The following ATP8A2 variants were observed in gnomAD, a reference collection of about 807,000 sequenced individuals.
The protein encoded by ATP8A2 is ATPase phospholipid transporting 8A2, also known as phospholipid-transporting ATPase IB.
In ATP8A2, 100 loss-of-function variants were observed where a neutral mutation model predicts 165.6. That is an observed-to-expected ratio of 0.60 (90% CI 0.51 to 0.71). The LOEUF (loss-of-function observed/expected upper bound fraction) is 0.71. Among genes scored for constraint, ATP8A2 ranks in the 30% least tolerant of loss-of-function variants. ATP8A2 has a pLI of 0.00. For synonymous variants in ATP8A2, 543 were observed against 548.8 expected, an observed-to-expected ratio of 0.99 and a Z score of 0.15; for missense variants, 1,227 against 1,479.5, an observed-to-expected ratio of 0.83 and a Z score of 2.80.
At chr13:25,610,632 T>C (rs572272872) in intron 24 of ATP8A2, among the ~76,000 whole-genome samples, 8 of 152,270 alleles carry the variant, frequency 5.3e-5, no homozygotes, top group African/African-American at 1.4e-4. Context: ...TTTAGGACTT[T>C]TTTTTCTAGT....
intron 29 of ATP8A2, among the ~76,000 whole-genome samples, chr13:25,838,298 A>C (rs1239417351): frequency 6.6e-6 from 1 of 151,986 alleles, no homozygotes; most frequent in Non-Finnish European, 1.5e-5. Context: ...TTTTCTGGGG[A>C]GGCTCACTAG....
chr13:25,714,077 G>T (rs1371867477), intron 25 of ATP8A2, among the ~76,000 whole-genome samples: 1 of 152,004 alleles, frequency 6.6e-6, no homozygotes, highest in Non-Finnish European at 1.5e-5. Flanking sequence ...GATTAACCCA[G>T]AGTTTGGTGT....
intron 24 of ATP8A2, among the ~76,000 whole-genome samples, chr13:25,609,785 ATT>A (rs532359123): frequency 9.0e-5 from 12 of 133,900 alleles, no homozygotes; most frequent in Non-Finnish European, 9.6e-5. Context: ...ACCAACACCT[ATT>A]TTTTTTTTTT....
chr13:25,960,486 C>T (rs1955634464), intron 33 of ATP8A2, among the ~76,000 whole-genome samples: 1 of 152,134 alleles, frequency 6.6e-6, no homozygotes, highest in Non-Finnish European at 1.5e-5. Context: ...TCTAGCGAAA[C>T]TTCTATTCCA....
chr13:25,848,371 T>C (rs1951923495), intron 30 of ATP8A2, among the ~76,000 whole-genome samples: 2 of 152,212 alleles, frequency 1.3e-5, no homozygotes, highest in African/African-American at 4.8e-5. Flanking sequence ...GATCCATCAG[T>C]TCTGCCCATA....
At chr13:25,595,030 G>GTA (rs1311497558) in intron 24 of ATP8A2, among the ~76,000 whole-genome samples, 2,195 of 146,562 alleles carry the variant, frequency 0.015, 45 homozygotes, top group African/African-American at 0.051. Flanking sequence ...ATATGTATAT[G>GTA]TATATATATA....
chr13:25,938,847 CTT>C (rs796202933), intron 33 of ATP8A2, among the ~76,000 whole-genome samples: 6 of 144,370 alleles, frequency 4.2e-5, no homozygotes, highest in Admixed American at 6.9e-5. Flanking sequence ...TTCTCCTTTC[CTT>C]TTTTTTTTTT....
chr13:25,791,542 TACACACACACACACACACACACAC>T (rs55661899), intron 27 of ATP8A2, among the ~76,000 whole-genome samples: 1 of 142,982 alleles, frequency 7.0e-6, no homozygotes, highest in African/African-American at 2.6e-5. Context: ...CACACACACA[TACACACACACACACACACACACAC>T]ACACACACAC....
chr13:25,634,791 A>AT (rs1325240962), intron 24 of ATP8A2, among the ~76,000 whole-genome samples: 1 of 152,202 alleles, frequency 6.6e-6, no homozygotes, highest in Non-Finnish European at 1.5e-5. Context: ...ATTCAGAATT[A>AT]TAATTTTAAC....
At chr13:25,391,301 T>G (rs1287393581) in intron 1 of ATP8A2, among the ~76,000 whole-genome samples, 2 of 152,230 alleles carry the variant, frequency 1.3e-5, no homozygotes, top group African/African-American at 2.4e-5. Flanking sequence ...CTCCCTACTC[T>G]GAATTTCTAT....
At chr13:25,828,652 T>C (rs960184690) in intron 28 of ATP8A2, among the ~76,000 whole-genome samples, 17 of 152,248 alleles carry the variant, frequency 1.1e-4, no homozygotes, top group African/African-American at 3.9e-4. Context: ...AACATTTTCT[T>C]CTGCAGTTAG....
intron 24 of ATP8A2, among the ~76,000 whole-genome samples, chr13:25,676,683 T>TA (rs56256177): frequency 1.3e-5 from 2 of 152,118 alleles, no homozygotes; most frequent in Admixed American, 1.3e-4. Flanking sequence ...AGTGATTTTT[T>TA]AAAAAAAATT....
chr13:25,451,652 C>T (rs781765876), intron 1 of ATP8A2, among the ~76,000 whole-genome samples: 21 of 151,954 alleles, frequency 1.4e-4, no homozygotes, highest in Non-Finnish European at 1.9e-4. Context: ...GCTTAGACTT[C>T]GTAGGTTCAC....
At chr13:25,426,785 A>G (rs1414900731) in intron 1 of ATP8A2, among the ~76,000 whole-genome samples, 1 of 152,042 alleles carries the variant, frequency 6.6e-6, no homozygotes, top group Non-Finnish European at 1.5e-5. Flanking sequence ...TCTACCAAAA[A>G]TATAAAAAAA....
chr13:25,789,046 C>A (rs903853257), intron 27 of ATP8A2, among the ~76,000 whole-genome samples: 1 of 152,126 alleles, frequency 6.6e-6, no homozygotes, highest in Non-Finnish European at 1.5e-5. Flanking sequence ...AGATTCTAAA[C>A]AGAAATAGTG....
intron 27 of ATP8A2, among the ~76,000 whole-genome samples, chr13:25,805,755 G>A (rs1185612798): frequency 6.6e-6 from 1 of 152,130 alleles, no homozygotes; most frequent in Admixed American, 6.6e-5. Context: ...TGAAACCGTG[G>A]AAATATTTAA....
chr13:25,795,520 A>T (rs1450218308), intron 27 of ATP8A2, among the ~76,000 whole-genome samples: 3 of 152,220 alleles, frequency 2.0e-5, no homozygotes, highest in Non-Finnish European at 2.9e-5. Flanking sequence ...GTGGGAATGA[A>T]TGAAATTTAA....
At chr13:25,577,188 T>C in intron 20 of ATP8A2, 50 bp downstream of exon 20, 3 of 1,446,506 alleles carry the variant, frequency 2.1e-6, no homozygotes, top group Non-Finnish European at 2.9e-6. Flanking sequence ...GCAGCTTTGT[T>C]AATCTGCCGC....
chr13:25,403,397 T>A (rs1168121273), intron 1 of ATP8A2, among the ~76,000 whole-genome samples: 2 of 152,184 alleles, frequency 1.3e-5, no homozygotes, highest in Non-Finnish European at 2.9e-5. Context: ...AAAATGGTTG[T>A]TCCCAGGCCA....
Sources: gnomAD v4.1 joint callset for allele counts (sites outside exome capture counted in the v4.1 genomes callset) on GRCh38, gnomAD v4.1.1 for gene constraint, MANE v1.5 for transcripts, NCBI Gene and HGNC (gene_info 2026-07-23, HGNC 2026-07-21) for gene names.